The following USP48 variants were observed in gnomAD, a reference collection of about 807,000 sequenced individuals.
USP48 encodes the protein ubiquitin specific peptidase 48.
Under a neutral mutation model 150.7 loss-of-function variants are expected in USP48, and 43 were observed. The observed-to-expected ratio is 0.29, with a 90% CI of 0.22 to 0.37. The LOEUF (loss-of-function observed/expected upper bound fraction) is 0.37. Among genes scored for constraint, USP48 ranks in the 10% least tolerant of loss-of-function variants. The pLI is 1.00. For synonymous variants in USP48, 396 were observed against 425.9 expected (o/e 0.93, Z 0.86); for missense variants, 813 against 1,249.6 (o/e 0.65, Z 5.27).
At chr1:21,745,279 A>ATATT (rs931514555) in intron 8 of USP48, among the ~76,000 whole-genome samples, 11 of 152,234 alleles carry the variant, frequency 7.2e-5, no homozygotes, top group Admixed American at 3.9e-4. Flanking sequence ...TGAGTAGATA[A>ATATT]TATTTATTTA....
At chr1:21,772,597 T>G (rs2097884471) in intron 1 of USP48, among the ~76,000 whole-genome samples, 1 of 146,862 alleles carries the variant, frequency 6.8e-6, no homozygotes, top group Admixed American at 6.9e-5. Context: ...CACTCCAGCC[T>G]GGGTGACACA....
At chr1:21,727,951 T>C (rs2097743969) in intron 11 of USP48, 9 of 984,852 alleles carry the variant, frequency 9.1e-6, no homozygotes, top group Non-Finnish European at 1.1e-5. Flanking sequence ...ATGACAAAGA[T>C]AACTTAATAC....
intron 26 of USP48, among the ~76,000 whole-genome samples, chr1:21,680,316 G>C (rs1488613017): frequency 6.6e-6 from 1 of 152,204 alleles, no homozygotes; most frequent in Non-Finnish European, 1.5e-5. Flanking sequence ...CCCAGATGTA[G>C]TACGAGCACC....
Position 21,706,740 on chromosome 1 carries a change from G to C in USP48, c.2088+4C>G. On this transcript the variant is annotated splice_donor_region_variant and intron_variant, in intron 16 of 26. Coordinates refer to ENST00000308271, the MANE Select transcript of USP48 (RefSeq NM_032236.8). ...TTTCCCCAGATGTCAGTAGCGTTCA[G>C]TACCTTGCACTGTGAACAGCACTCT... 1 of 1,611,848 alleles carries C rather than the reference G, an allele frequency of 6.2e-7. No individual in the cohort carries two copies. The highest frequency in any genetic ancestry group is 8.5e-7 in the Non-Finnish European group (1 of 1,179,400).
chr1:21,741,739 GC>G (rs1557544140), intron 8 of USP48, among the ~76,000 whole-genome samples: 1 of 152,218 alleles, frequency 6.6e-6, no homozygotes, highest in Non-Finnish European at 1.5e-5. Flanking sequence ...GACTTTGTGA[GC>G]CGAGGCAAGA....
At position 21,720,917 on chromosome 1, in the gene USP48, A is replaced by T. The variant is rs749731355; in HGVS notation, c.1894+119T>A. ...CTGGCACAACCGCTGGGCTCAAGTG[A>T]TCTGCCCGTCTGAGCCTCCCAAGTA... On this transcript the variant is annotated intron_variant, in intron 14 of 26. Transcript: ENST00000308271. 5.5e-4 allele frequency: 726 copies of T among 1,328,948 alleles called. 3 individuals carry two copies. Among genetic ancestry groups the T allele is most frequent in the Middle Eastern group, 2.2e-4 (1 of 4,480 alleles). 82.3% of individuals were successfully genotyped at this position (1,328,948 alleles called of 1,614,324 possible). A position where few individuals can be genotyped will look rare whatever the true frequency, so the allele number is the denominator to read the frequency against.
intron 20 of USP48, 110 bp downstream of exon 20, chr1:21,704,152 G>T: frequency 7.8e-7 from 1 of 1,289,868 alleles, no homozygotes; most frequent in Non-Finnish European, 1.1e-6. Flanking sequence ...CACCTAGGGA[G>T]TTGGGACCGC....
At chr1:21,699,522 A>G (rs1182651612) in intron 22 of USP48, among the ~76,000 whole-genome samples, 1 of 132,652 alleles carries the variant, frequency 7.5e-6, no homozygotes, top group Non-Finnish European at 1.6e-5. Context: ...TTATTTATTT[A>G]TTTATTTTTG....
At chr1:21,707,778 A>T (rs1183058896) in intron 15 of USP48, among the ~76,000 whole-genome samples, 1 of 152,240 alleles carries the variant, frequency 6.6e-6, no homozygotes, top group African/African-American at 2.4e-5. Flanking sequence ...AGCTTTCTAA[A>T]TACATACTAC....
chr1:21,763,821 A>AAGGAAGGG (rs1180563320), intron 1 of USP48, among the ~76,000 whole-genome samples: 2 of 149,120 alleles, frequency 1.3e-5, no homozygotes, highest in Admixed American at 6.7e-5. Flanking sequence ...GTTTCAAGAA[A>AAGGAAGGG]AGGAAGGGAG....
intron 1 of USP48, among the ~76,000 whole-genome samples, chr1:21,759,687 A>C (rs553763452): frequency 6.6e-6 from 1 of 152,324 alleles, no homozygotes; most frequent in South Asian, 2.1e-4. Flanking sequence ...CAACAAAATG[A>C]GTAATAGGAT....
At chr1:21,753,378 C>T (rs1483948883) in intron 3 of USP48, among the ~76,000 whole-genome samples, 1 of 151,626 alleles carries the variant, frequency 6.6e-6, no homozygotes, top group Non-Finnish European at 1.5e-5. Context: ...ATGGAGAAAC[C>T]CCGTCTCCAC....
In USP48 at chr1:21,782,926, G is replaced by A. The variant is rs1455789466; in HGVS notation, c.32C>T (p.Ala11Val). 1.3e-6 allele frequency: 2 copies of A among 1,549,784 alleles called. No individual in the cohort carries two copies. The highest frequency in any genetic ancestry group is 1.7e-6 in the Non-Finnish European group (2 of 1,149,298). MAPRLQLEKAAWRWAETVRPE... is the reference protein window; with the variant it reads MAPRLQLEKAVWRWAETVRPE... ...CCGCACCGTCTCCGCCCAGCGCCAG[G>A]CCGCCTTCTCCAGCTGCAGCCGCGG... Residue 11 changes from alanine to valine, a missense_variant, in exon 1 of 27, where the codon GCC becomes GTC. Transcript: ENST00000308271.
At chr1:21,765,494 G>A (rs906222321) in intron 1 of USP48, among the ~76,000 whole-genome samples, 1 of 151,956 alleles carries the variant, frequency 6.6e-6, no homozygotes, top group African/African-American at 2.4e-5. Flanking sequence ...GCACGCGCCT[G>A]TAGTCCCACC....
At chr1:21,742,042 G>C (rs2097783098) in intron 8 of USP48, among the ~76,000 whole-genome samples, 1 of 152,116 alleles carries the variant, frequency 6.6e-6, no homozygotes, top group African/African-American at 2.4e-5. Flanking sequence ...GTTATCTAGA[G>C]AGTTAAGAAT....
intron 1 of USP48, among the ~76,000 whole-genome samples, chr1:21,780,992 G>A (rs1464688394): frequency 1.3e-5 from 2 of 150,244 alleles, no homozygotes; most frequent in African/African-American, 4.9e-5. Flanking sequence ...CGCCCATCTC[G>A]GCCTCCCAAA....
chr1:21,728,068 T>C, intron 11 of USP48: 1 of 985,646 alleles, frequency 1.0e-6, no homozygotes, highest in Non-Finnish European at 1.2e-6. Context: ...TTATGTGGGA[T>C]ATTTCTAAGA....
At chr1:21,730,104 C>G (rs951907455) in intron 9 of USP48, among the ~76,000 whole-genome samples, 1 of 152,092 alleles carries the variant, frequency 6.6e-6, no homozygotes, top group African/African-American at 2.4e-5. Flanking sequence ...ACAAAAAAAT[C>G]ACTATTGCCA....
At chr1:21,756,507 G>A in intron 3 of USP48, 39 bp downstream of exon 3, 1 of 1,178,186 alleles carries the variant, frequency 8.5e-7, no homozygotes, top group South Asian at 1.4e-5. Context: ...TTAAAAAAAT[G>A]TTCAGGAAGA....
Sources: allele counts gnomAD v4.1 joint callset (sites outside exome capture counted in the v4.1 genomes callset), GRCh38; gene constraint gnomAD v4.1.1; transcripts MANE v1.5; gene names NCBI Gene and HGNC (gene_info 2026-07-23, HGNC 2026-07-21).